The following GAREM2 variants were observed in gnomAD, a reference collection of about 807,000 sequenced individuals.
GAREM2 encodes the protein GRB2-associated and regulator of MAPK protein 2.
A neutral mutation model predicts 55.6 loss-of-function variants in GAREM2; 30 were observed. That is an observed-to-expected ratio of 0.54 (90% CI 0.40 to 0.73). GAREM2 has a LOEUF of 0.73. Among genes scored for constraint, GAREM2 ranks in the 30% least tolerant of loss-of-function variants. The pLI is 0.00. For missense variants in GAREM2, 1,075 were observed against 1,257.7 expected (o/e 0.85, Z 2.20); for synonymous variants, 550 against 569.1 (o/e 0.97, Z 0.48).
At chr2:26,195,512 A>G in the GAREM2 span, among the ~76,000 whole-genome samples, 1 of 149,632 alleles carries the variant, frequency 6.7e-6, no homozygotes, top group Admixed American at 6.7e-5. Flanking sequence ...TCGAGGCCAA[A>G]CTAGATTTAT....
intron 1 of GAREM2, among the ~76,000 whole-genome samples, chr2:26,174,310 G>T (rs1200487997): frequency 1.2e-4 from 18 of 152,260 alleles, no homozygotes; most frequent in Non-Finnish European, 2.9e-5. Flanking sequence ...GGGCAGGCCA[G>T]CGTCTAGTTC....
chr2:26,198,376 T>TG, the GAREM2 span, among the ~76,000 whole-genome samples: 6 of 151,342 alleles, frequency 4.0e-5, no homozygotes, highest in Admixed American at 2.0e-4. Flanking sequence ...CATGTTTTTT[T>TG]TTTGTTTTTT....
chr2:26,182,476 A>C (rs569733413), intron 2 of GAREM2: 2 of 1,550,502 alleles, frequency 1.3e-6, no homozygotes, highest in African/African-American at 2.7e-5. Flanking sequence ...AGGGCGATGC[A>C]CAGGATGCCA....
chr2:26,185,440 G>A (rs962000132), intron 4 of GAREM2, among the ~76,000 whole-genome samples, 164 bp downstream of exon 4: 3 of 152,236 alleles, frequency 2.0e-5, no homozygotes. Flanking sequence ...AGCATTTGTA[G>A]TAAGGGGCAC....
downstream of GAREM2, among the ~76,000 whole-genome samples, chr2:26,194,238 C>T (rs909348060): frequency 6.6e-6 from 1 of 152,112 alleles, no homozygotes; most frequent in African/African-American, 2.4e-5. Context: ...GAAACAGATG[C>T]AGCACCAGTT....
chr2:26,175,648 GAACAAGGCAGT>G (rs1668841779), intron 1 of GAREM2, among the ~76,000 whole-genome samples: 1 of 152,046 alleles, frequency 6.6e-6, no homozygotes. Context: ...GAGGTCCCCT[GAACAAGGCAGT>G]GGGTGGAAAG....
downstream of GAREM2, chr2:26,191,344 A>G (rs2147748812): frequency 5.0e-6 from 8 of 1,614,074 alleles, no homozygotes; most frequent in Non-Finnish European, 6.8e-6. Flanking sequence ...ATATTTCTTG[A>G]GCCGGTCCAC....
In GAREM2 at chr2:26,179,913, TGGGGCA is replaced by T. The variant is rs1333927138; in HGVS notation, c.254-3048_254-3043del. On this transcript the variant is annotated intron_variant, in intron 2 of 5. Coordinates refer to ENST00000401533, the MANE Select transcript of GAREM2 (RefSeq NM_001168241.2). This position sits in a 1 kb window ranked among gnomAD's most constrained non-coding sequence, Gnocchi z 4.7. ...TGCTCCCTGCCTGGCTACTTGTGGT[TGGGGCA>T]GGGGCGGGGGTGGGGGTTGTGTGTG... 1.5e-5 allele frequency among the ~76,000 whole-genome samples: 2 copies of T among 134,374 alleles called. No homozygotes were observed. Among genetic ancestry groups the T allele is most frequent in the Admixed American group, 7.2e-5 (1 of 13,976 alleles). The allele number at this position is 134,374 out of a possible 152,430, so 88.2% of individuals were successfully genotyped here.
the GAREM2 span, chr2:26,197,633 T>C: frequency 1.2e-6 from 1 of 845,308 alleles, no homozygotes; most frequent in South Asian, 1.3e-5. Flanking sequence ...CTGTAAGCCT[T>C]TATCAGTGAA....
chr2:26,199,857 G>T, the GAREM2 span, among the ~76,000 whole-genome samples: 2 of 152,194 alleles, frequency 1.3e-5, no homozygotes, highest in Non-Finnish European at 2.9e-5. Flanking sequence ...TGAGAGATGT[G>T]GGGGAAGCAG....
rs1316792440 is a variant in GAREM2, at chr2:26,187,603, G to A, written c.1971G>A (p.Val657=). The A allele has an allele frequency of 6.5e-7, 1 of 1,549,642 alleles. No homozygotes were observed. Residue 657 remains valine (V), a synonymous_variant, in exon 6 of 6, where the codon GTG becomes GTA. Transcript: ENST00000401533. ...SSGPRTTSGP[V]ATSGPAYSPG... Reference sequence around the variant, plus strand: ...GGCCCAGAACCACCTCGGGTCCTGTGGCTACCTCTGGCCCTGCGTATTCCC... The same window carrying A: ...GGCCCAGAACCACCTCGGGTCCTGTAGCTACCTCTGGCCCTGCGTATTCCC...
downstream of GAREM2, chr2:26,192,253 G>A (rs999965207): frequency 4.5e-6 from 4 of 894,754 alleles, no homozygotes; most frequent in East Asian, 9.6e-5. Flanking sequence ...GGGCTGGGAA[G>A]CTTTGGGCTG....
At chr2:26,200,685 T>C in the GAREM2 span, among the ~76,000 whole-genome samples, 1 of 152,178 alleles carries the variant, frequency 6.6e-6, no homozygotes, top group Non-Finnish European at 1.5e-5. Context: ...TTATAACATA[T>C]GCAGTGTGCA....
rs577552087 is a variant in GAREM2, at chr2:26,187,642, G to A, written c.2010G>A (p.Ser670=). Residue 670 remains serine, a synonymous_variant, in exon 6 of 6, where the codon TCG becomes TCA. Coordinates refer to ENST00000401533, the MANE Select transcript of GAREM2 (RefSeq NM_001168241.2). ...SGPAYSPGPA[S]PGQAYSAAPP... Reference sequence around the variant, plus strand: ...CTGCGTATTCCCCAGGCCCAGCCTCGCCAGGCCAGGCCTATTCAGCTGCTC... The same window carrying A: ...CTGCGTATTCCCCAGGCCCAGCCTCACCAGGCCAGGCCTATTCAGCTGCTC... 2.5e-5 allele frequency: 39 copies of A among 1,543,708 alleles called. No individual in the cohort carries two copies. The East Asian group carries it at 6.9e-4, about 27-fold the overall frequency.
chr2:26,174,035 G>A (rs1181064099), intron 1 of GAREM2, among the ~76,000 whole-genome samples: 2 of 152,226 alleles, frequency 1.3e-5, no homozygotes, highest in Non-Finnish European at 2.9e-5. Context: ...GGGACCGTTT[G>A]GGGGGAGGGG....
the GAREM2 span, among the ~76,000 whole-genome samples, chr2:26,195,460 C>T: frequency 4.6e-5 from 7 of 152,074 alleles, no homozygotes; most frequent in African/African-American, 7.2e-5. Flanking sequence ...TTTTTCACTA[C>T]AGACATCTGA....
At chr2:26,201,131 C>T in the GAREM2 span, 7 of 1,590,524 alleles carry the variant, frequency 4.4e-6, no homozygotes, top group Middle Eastern at 3.3e-4. Context: ...GATTCAAGTA[C>T]AACAGCCCCT....
downstream of GAREM2, chr2:26,193,865 A>C (rs1469538563): frequency 2.1e-6 from 2 of 967,714 alleles, no homozygotes; most frequent in African/African-American, 3.2e-5. Flanking sequence ...TGCCTTGTGT[A>C]AAACCCACTT....
rs1363930232 is a variant in GAREM2 at position 26,183,117 on chromosome 2, G to A, written c.384+20G>A. 4 of 1,550,916 alleles carry A rather than the reference G, an allele frequency of 2.6e-6. No homozygotes were observed. Among genetic ancestry groups the A allele is most frequent in the Non-Finnish European group, 3.5e-6 (4 of 1,146,552 alleles). ...GTCAAGGTCAGTCACTCCCTCACCA[G>A]GTGTGGTGTCCCCACACTACTCCTT... On this transcript the variant is annotated intron_variant, in intron 3 of 5. Coordinates refer to ENST00000401533, the MANE Select transcript of GAREM2 (RefSeq NM_001168241.2).
Sources: gnomAD v4.1 joint callset for allele counts (sites outside exome capture counted in the v4.1 genomes callset) on GRCh38, gnomAD v4.1.1 for gene constraint, Gnocchi (gnomAD v3.1) non-coding constraint, MANE v1.5 for transcripts, NCBI Gene and HGNC (gene_info 2026-07-23, HGNC 2026-07-21) for gene names.